PPP2R2D: variants seen among roughly 807,000 people sequenced by gnomAD.
The protein encoded by PPP2R2D is serine/threonine-protein phosphatase 2A 55 kDa regulatory subunit B delta isoform.
Under a neutral mutation model 31.1 loss-of-function variants are expected in PPP2R2D, and 9 were observed. The ratio of observed to expected loss-of-function variants is 0.29; its 90% CI spans 0.17 to 0.51. The LOEUF (loss-of-function observed/expected upper bound fraction) is 0.51, where lower values mean the gene tolerates loss of function less well. Among genes scored for constraint, PPP2R2D ranks in the 20% least tolerant of loss-of-function variants. The pLI is 0.98. For missense variants in PPP2R2D, 391 were observed against 465.6 expected, an observed-to-expected ratio of 0.84 and a Z score of 1.48; for synonymous variants, 179 against 172.6, an observed-to-expected ratio of 1.04 and a Z score of -0.29.
chr10:131,913,690 C>G (rs947257394), intron 2 of PPP2R2D, among the ~76,000 whole-genome samples: 3 of 152,154 alleles, frequency 2.0e-5, no homozygotes, highest in Non-Finnish European at 2.9e-5. Context: ...AGTACACTTA[C>G]CAAGCCCAGG....
intron 2 of PPP2R2D, among the ~76,000 whole-genome samples, chr10:131,907,478 C>T (rs1253200581): frequency 6.6e-6 from 1 of 152,032 alleles, no homozygotes; most frequent in Non-Finnish European, 1.5e-5. Flanking sequence ...CAGTGGTTCA[C>T]GCCTGTAATC....
intron 2 of PPP2R2D, among the ~76,000 whole-genome samples, chr10:131,913,567 G>T (rs2035719040): frequency 6.6e-6 from 1 of 152,114 alleles, no homozygotes; most frequent in African/African-American, 2.4e-5. Context: ...ATAATGTGTG[G>T]GACAAAAGGC....
chr10:131,954,181 A>C (rs902553443), intron 8 of PPP2R2D, among the ~76,000 whole-genome samples: 1 of 152,140 alleles, frequency 6.6e-6, no homozygotes, highest in Non-Finnish European at 1.5e-5. Flanking sequence ...GGAAACACCC[A>C]CTCTGGGGCT....
chr10:131,953,636 A>G (rs1178478703), intron 8 of PPP2R2D, among the ~76,000 whole-genome samples: 22 of 99,444 alleles, frequency 2.2e-4, no homozygotes, highest in South Asian at 3.6e-4. Flanking sequence ...GCGGGTGTGC[A>G]GGGGTTCACT....
intron 6 of PPP2R2D, among the ~76,000 whole-genome samples, chr10:131,944,579 G>T (rs1449359015): frequency 3.9e-5 from 6 of 152,184 alleles, no homozygotes; most frequent in African/African-American, 1.4e-4. Context: ...AGTCTGGGTG[G>T]CCCCAGCCCT....
At chr10:131,966,338 T>C in the PPP2R2D span, 3 of 152,246 alleles carry the variant, frequency 2.0e-5, no homozygotes, top group Non-Finnish European at 2.9e-5. Context: ...ATGAGTGTTA[T>C]GGGCAGTTAT....
intron 3 of PPP2R2D, among the ~76,000 whole-genome samples, chr10:131,935,699 TCA>T (rs1484650436): frequency 1.3e-5 from 2 of 151,796 alleles, no homozygotes; most frequent in Non-Finnish European, 2.9e-5. Context: ...TAATATTTCT[TCA>T]CAGTTTGATA....
At chr10:131,946,206 C>G (rs2036537982) in intron 7 of PPP2R2D, among the ~76,000 whole-genome samples, 1 of 152,254 alleles carries the variant, frequency 6.6e-6, no homozygotes, top group Admixed American at 6.5e-5. Context: ...GCATTTTAAT[C>G]CAGTGAGCTT....
chr10:131,955,808 G>C lies in PPP2R2D; in HGVS notation c.1207G>C (p.Val403Leu), dbSNP rs763031271. The C allele has an allele frequency of 6.8e-6, 11 of 1,606,756 alleles. No homozygotes were observed. Among genetic ancestry groups the C allele is most frequent in the Non-Finnish European group, 8.5e-6 (10 of 1,175,906 alleles). ...GCGCGCCAGCCTCAAACCCCGGAAGGTGTGTACGGGGGGTAAGCGGAGGAA... is the reference window on the plus strand; with the variant it reads ...GCGCGCCAGCCTCAAACCCCGGAAGCTGTGTACGGGGGGTAAGCGGAGGAA... ...KPRASLKPRKVCTGGKRRKDE... is the reference protein window; with the variant it reads ...KPRASLKPRKLCTGGKRRKDE... Residue 403 changes from valine to leucine, a missense_variant, in exon 9 of 9, where the codon GTG (valine) becomes CTG (leucine). Coordinates refer to ENST00000455566, the MANE Select transcript of PPP2R2D (RefSeq NM_018461.5).
At position 131,955,637 on chromosome 10, in the gene PPP2R2D, C is replaced by T. The variant is rs376884331; in HGVS notation, c.1083-47C>T. 1.1e-4 allele frequency: 143 copies of T among 1,355,086 alleles called. No individual in the cohort carries two copies. In the African/African-American group the frequency reaches 2.0e-3, roughly 19 times the overall value. The allele number at this position is 1,355,086 out of a possible 1,614,324, so 83.9% of individuals were successfully genotyped here. A position where few individuals can be genotyped will look rare whatever the true frequency, so the allele number is the denominator to read the frequency against. ...GGGGTGGGGTCTGAGTCCTTGCTGC[C>T]GCTCCCCCCACTGAGGAGTGCTGCT... On this transcript the variant is annotated intron_variant, in intron 8 of 8. Transcript: ENST00000455566.
intron 5 of PPP2R2D, among the ~76,000 whole-genome samples, chr10:131,941,495 G>T (rs1488018934): frequency 6.6e-6 from 1 of 152,118 alleles, no homozygotes; most frequent in Non-Finnish European, 1.5e-5. Context: ...TCCCAAGGGG[G>T]TGCCGTTACT....
At chr10:131,955,146 G>A (rs541373569) in intron 8 of PPP2R2D, among the ~76,000 whole-genome samples, 1 of 152,350 alleles carries the variant, frequency 6.6e-6, no homozygotes, top group East Asian at 1.9e-4. Context: ...TCTGGAATGT[G>A]TGTGAAATGC....
At chr10:131,964,047 A>G (rs1359690513), downstream of PPP2R2D, among the ~76,000 whole-genome samples, 3 of 152,154 alleles carry the variant, frequency 2.0e-5, no homozygotes, top group African/African-American at 4.8e-5. Flanking sequence ...GTGGGCAGGC[A>G]TTTTGTAGAC....
chr10:131,942,569 TAAAAG>T (rs2036460729), intron 5 of PPP2R2D, among the ~76,000 whole-genome samples: 1 of 152,102 alleles, frequency 6.6e-6, no homozygotes, highest in Admixed American at 6.6e-5. Flanking sequence ...GGGATATAAT[TAAAAG>T]AAGAAATCTT....
At chr10:131,904,000 T>G (rs1384635081) in intron 2 of PPP2R2D, among the ~76,000 whole-genome samples, 1 of 151,646 alleles carries the variant, frequency 6.6e-6, no homozygotes, top group African/African-American at 2.4e-5. Context: ...GGTCAGGAGT[T>G]TGAGACTAGC....
intron 2 of PPP2R2D, among the ~76,000 whole-genome samples, chr10:131,904,786 C>T (rs1172758978): frequency 2.0e-5 from 3 of 152,078 alleles, no homozygotes; most frequent in Non-Finnish European, 2.9e-5. Flanking sequence ...GGGGTGATGC[C>T]CAGTGCACAG....
At chr10:131,907,154 T>G (rs2035603379) in intron 2 of PPP2R2D, among the ~76,000 whole-genome samples, 1 of 152,174 alleles carries the variant, frequency 6.6e-6, no homozygotes, top group African/African-American at 2.4e-5. Flanking sequence ...TTTATTGATT[T>G]CTTCTGTGTA....
chr10:131,911,346 G>C (rs976566936), intron 2 of PPP2R2D, among the ~76,000 whole-genome samples: 25 of 152,312 alleles, frequency 1.6e-4, no homozygotes, highest in African/African-American at 4.8e-4. Flanking sequence ...GGGAGAAACT[G>C]AATTTTGTTT....
chr10:131,915,876 C>T (rs1484703187), intron 2 of PPP2R2D, among the ~76,000 whole-genome samples: 3 of 152,112 alleles, frequency 2.0e-5, no homozygotes, highest in Non-Finnish European at 4.4e-5. Flanking sequence ...CATAGAGCCC[C>T]GGTTAAGTTC....
Sources: gnomAD v4.1 joint callset for allele counts (sites outside exome capture counted in the v4.1 genomes callset) on GRCh38, gnomAD v4.1.1 for gene constraint, MANE v1.5 for transcripts, NCBI Gene and HGNC (gene_info 2026-07-23, HGNC 2026-07-21) for gene names.